DSCAM: variants seen among roughly 807,000 people sequenced by gnomAD.
DSCAM encodes the protein DS cell adhesion molecule, also known as cell adhesion molecule DSCAM.
Under a neutral mutation model 217.7 loss-of-function variants are expected in DSCAM, and 47 were observed. That is an observed-to-expected ratio of 0.22 (90% CI 0.17 to 0.28). The LOEUF is 0.28. Among genes scored for constraint, DSCAM ranks in the 10% least tolerant of loss-of-function variants. The pLI, the probability that DSCAM is intolerant of heterozygous loss-of-function variation, is 1.00. For missense variants in DSCAM, 2,080 were observed against 2,618.3 expected, an observed-to-expected ratio of 0.79 and a Z score of 4.49; for synonymous variants, 1,056 against 1,015.3, an observed-to-expected ratio of 1.04 and a Z score of -0.76.
chr21:40,252,039 T>A (rs950364249), intron 11 of DSCAM, among the ~76,000 whole-genome samples: 2 of 152,108 alleles, frequency 1.3e-5, no homozygotes, highest in African/African-American at 4.8e-5. Flanking sequence ...ACTTGAGCCT[T>A]CAGATGAGAC....
intron 11 of DSCAM, among the ~76,000 whole-genome samples, chr21:40,216,221 G>A (rs140877098): frequency 3.9e-4 from 59 of 151,812 alleles, no homozygotes; most frequent in Admixed American, 1.7e-3. Flanking sequence ...CACCTCAGCC[G>A]TCTGCCCAAG....
chr21:40,306,892 T>C (rs2074083383), intron 9 of DSCAM, among the ~76,000 whole-genome samples: 1 of 151,946 alleles, frequency 6.6e-6, no homozygotes, highest in Non-Finnish European at 1.5e-5. Flanking sequence ...AGGATATTGG[T>C]CTAAAATTCT....
chr21:40,677,203 C>G (rs941399024), intron 3 of DSCAM, among the ~76,000 whole-genome samples: 2 of 121,374 alleles, frequency 1.6e-5, no homozygotes, highest in African/African-American at 6.1e-5. Flanking sequence ...ATGCAATGGG[C>G]ATAGGAGGAT....
intron 11 of DSCAM, among the ~76,000 whole-genome samples, chr21:40,271,775 A>G (rs2073620584): frequency 6.6e-6 from 1 of 152,174 alleles, no homozygotes. Context: ...TTGATAGCCT[A>G]TCTTTACAGG....
chr21:40,723,559 T>C (rs997606152), intron 1 of DSCAM, among the ~76,000 whole-genome samples: 3 of 152,208 alleles, frequency 2.0e-5, no homozygotes, highest in Non-Finnish European at 4.4e-5. Context: ...GATGCAATCT[T>C]ATTCTTAGAG....
chr21:40,263,189 C>T (rs2073477384), intron 11 of DSCAM, among the ~76,000 whole-genome samples: 1 of 152,160 alleles, frequency 6.6e-6, no homozygotes, highest in African/African-American at 2.4e-5. Flanking sequence ...AGAGAAGTTT[C>T]ATTTCTGGAT....
intron 3 of DSCAM, among the ~76,000 whole-genome samples, chr21:40,545,605 A>C (rs965535103): frequency 6.6e-6 from 1 of 152,086 alleles, no homozygotes; most frequent in African/African-American, 2.4e-5. Context: ...TGGGAACCTC[A>C]GTTTCCTCAT....
chr21:40,246,354 TAAAAAAAAAAAAAAAAA>T (rs34308158), intron 11 of DSCAM, among the ~76,000 whole-genome samples: 10 of 13,920 alleles, frequency 7.2e-4, no homozygotes, highest in Admixed American at 5.9e-3. Flanking sequence ...CAGTCCGTAC[TAAAAAAAAAAAAAAAAA>T]AAAAAAAAAA....
intron 1 of DSCAM, among the ~76,000 whole-genome samples, chr21:40,751,258 A>G (rs1323882441): frequency 6.6e-6 from 1 of 152,166 alleles, no homozygotes; most frequent in Non-Finnish European, 1.5e-5. Flanking sequence ...CGTCTCCCTT[A>G]AAATTACTCT....
In DSCAM at chr21:40,498,668, C is replaced by CATAT. The variant is rs1284319297; in HGVS notation, c.509-129427_509-129424dup. Among the ~76,000 whole-genome samples, 81 of 28,454 alleles carry CATAT rather than the reference C, an allele frequency of 2.8e-3. 8 individuals carry two copies. The highest frequency in any genetic ancestry group is 9.1e-3 in the East Asian group (8 of 876). 18.7% of individuals were successfully genotyped at this position (28,454 alleles called of 152,430 possible). On this transcript the variant is annotated intron_variant, in intron 3 of 32. Transcript: ENST00000400454. ...TATAGTGTGTGTGTATATATATACC[C>CATAT]ATATATATATATATATATATATATA...
chr21:40,397,306 T>TA (rs1395439666), intron 3 of DSCAM, among the ~76,000 whole-genome samples: 1 of 121,058 alleles, frequency 8.3e-6, no homozygotes, highest in Non-Finnish European at 1.9e-5. Context: ...CATGAAGGGC[T>TA]TCGGCCATCT....
At chr21:40,784,641 G>C (rs1278697501) in intron 1 of DSCAM, among the ~76,000 whole-genome samples, 1 of 152,192 alleles carries the variant, frequency 6.6e-6, no homozygotes, top group Non-Finnish European at 1.5e-5. Context: ...TTCAGAGATG[G>C]AGCCTTTGGG....
chr21:40,325,887 A>G (rs1312566586), intron 8 of DSCAM, among the ~76,000 whole-genome samples: 1 of 152,076 alleles, frequency 6.6e-6, no homozygotes, highest in East Asian at 1.9e-4. Context: ...TGACCTAACA[A>G]TTCTACTACT....
chr21:40,405,099 C>A (rs1412449308), intron 3 of DSCAM, among the ~76,000 whole-genome samples: 1 of 152,142 alleles, frequency 6.6e-6, no homozygotes, highest in Non-Finnish European at 1.5e-5. Context: ...GTGAATGGGA[C>A]ATAGCCCATG....
intron 1 of DSCAM, among the ~76,000 whole-genome samples, chr21:40,823,799 C>T (rs1384249899): frequency 3.3e-5 from 5 of 152,176 alleles, no homozygotes. Flanking sequence ...GATGTGCCCT[C>T]TGATCCATAC....
At chr21:40,499,189 A>G (rs1300868942) in intron 3 of DSCAM, among the ~76,000 whole-genome samples, 1 of 152,164 alleles carries the variant, frequency 6.6e-6, no homozygotes, top group Admixed American at 6.5e-5. Flanking sequence ...AAAGATTGAA[A>G]AGATTACTAC....
intron 20 of DSCAM, among the ~76,000 whole-genome samples, chr21:40,104,775 G>T (rs1020689702): frequency 6.6e-6 from 1 of 152,160 alleles, no homozygotes; most frequent in Admixed American, 6.5e-5. Context: ...TGTCGATAGT[G>T]GGGGAGGCTG....
intron 3 of DSCAM, among the ~76,000 whole-genome samples, chr21:40,503,353 C>A (rs1352332037): frequency 1.3e-5 from 2 of 152,232 alleles, no homozygotes; most frequent in Non-Finnish European, 1.5e-5. Flanking sequence ...TCAGCCTACA[C>A]TGTTTATTCC....
intron 3 of DSCAM, among the ~76,000 whole-genome samples, chr21:40,652,251 G>A (rs896344923): frequency 7.2e-5 from 11 of 151,800 alleles, no homozygotes; most frequent in South Asian, 6.3e-4. Flanking sequence ...GCAAACCACC[G>A]TGGTACCTGT....
Sources: gnomAD v4.1 joint callset for allele counts (sites outside exome capture counted in the v4.1 genomes callset) on GRCh38, gnomAD v4.1.1 for gene constraint, MANE v1.5 for transcripts, NCBI Gene and HGNC (gene_info 2026-07-23, HGNC 2026-07-21) for gene names.